The following RNPEP variants were observed in gnomAD, a reference collection of about 807,000 sequenced individuals.
RNPEP encodes aminopeptidase B.
Under a neutral mutation model 70.1 loss-of-function variants are expected in RNPEP, and 57 were observed. The ratio of observed to expected loss-of-function variants is 0.81; its 90% CI spans 0.66 to 1.01. The LOEUF is 1.01. RNPEP is among the 50% of genes least tolerant of loss of function. The probability of loss-of-function intolerance (pLI) is 0.00; values close to 1 mark genes in which losing one functional copy is unlikely to be tolerated. For missense variants in RNPEP, 787 were observed against 852.4 expected, an observed-to-expected ratio of 0.92 and a Z score of 0.96; for synonymous variants, 335 against 357.4, an observed-to-expected ratio of 0.94 and a Z score of 0.71.
chr1:202,001,737 C>T lies in RNPEP; in HGVS notation c.1396C>T (p.Leu466Phe), dbSNP rs781511423. The change falls in exon 8 of 11, where the codon CTT (leucine) becomes TTT (phenylalanine). Residue 466 changes from leucine to phenylalanine, a missense_variant. Transcript: ENST00000295640. The stretch of plus-strand genomic sequence containing the variant: ...CTTCTACTTGGAATATTTCCCTGAG[C>T]TTAAGAAAAAGAGAGTGGATATCAT... ...LDFYLEYFPE[L>F]KKKRVDIIPG... The T allele has an allele frequency of 1.3e-5, 21 of 1,610,570 alleles. No homozygotes were observed. The East Asian group carries it at 4.2e-4, about 32-fold the overall frequency.
intron 6 of RNPEP, among the ~76,000 whole-genome samples, chr1:202,000,551 C>T (rs1301783997): frequency 1.3e-5 from 2 of 152,064 alleles, no homozygotes; most frequent in Non-Finnish European, 2.9e-5. Context: ...TCCTTGATGC[C>T]GTTAAGTTTG....
chr1:201,989,285 A>G (rs1459521996), intron 2 of RNPEP, 98 bp from the exon 3 acceptor site: 33 of 1,419,616 alleles, frequency 2.3e-5, no homozygotes, highest in Non-Finnish European at 3.1e-5. Context: ...ACTCCAGGCC[A>G]TTATCATCAC....
intron 8 of RNPEP, among the ~76,000 whole-genome samples, chr1:202,002,603 C>T (rs538358211): frequency 1.3e-5 from 2 of 152,210 alleles, no homozygotes; most frequent in Non-Finnish European, 2.9e-5. Context: ...TGATGAAGTC[C>T]GCGTCCTCTG....
At chr1:202,000,098 G>A in intron 6 of RNPEP, 83 bp downstream of exon 6, 1 of 979,750 alleles carries the variant, frequency 1.0e-6, no homozygotes, top group Non-Finnish European at 1.6e-6. Context: ...ATGTTGATCA[G>A]TGCACGCTTA....
At chr1:201,984,856 T>TTTTTTTG (rs1683080641) in intron 1 of RNPEP, among the ~76,000 whole-genome samples, 1 of 92,688 alleles carries the variant, frequency 1.1e-5, no homozygotes, top group Non-Finnish European at 2.4e-5. Context: ...TTTTTTTTTT[T>TTTTTTTG]TGAGAAGGGA....
chr1:202,003,160 T>C lies in RNPEP; in HGVS notation c.1427-77T>C, dbSNP rs1181769196. 7 of 984,180 alleles carry C rather than the reference T, an allele frequency of 7.1e-6. No homozygotes were observed. The African/African-American group carries it at 9.8e-5, about 14-fold the overall frequency. The allele number at this position is 984,180 out of a possible 1,614,324, so 61.0% of individuals were successfully genotyped here. On this transcript the variant is annotated intron_variant, in intron 8 of 10. Coordinates refer to ENST00000295640, the MANE Select transcript of RNPEP (RefSeq NM_020216.4). ...GGATGGAGAGAGGAGAAACTTGAGG[T>C]CTCTGGGAGTTGCTTAAACCAGTTG...
At chr1:201,996,020 G>A (rs115106533) in intron 3 of RNPEP, 127 bp from the exon 4 acceptor site, 23 of 687,348 alleles carry the variant, frequency 3.3e-5, no homozygotes, top group Non-Finnish European at 4.3e-5. Context: ...CTTGCACTCC[G>A]TCACTGTGGC....
intron 1 of RNPEP, among the ~76,000 whole-genome samples, chr1:201,987,625 A>G (rs1278061477): frequency 1.3e-5 from 2 of 151,292 alleles, no homozygotes; most frequent in East Asian, 2.0e-4. Flanking sequence ...TTTAGTAGCA[A>G]CAGGGTTTTA....
chr1:201,984,761 G>A (rs964438691), intron 1 of RNPEP, among the ~76,000 whole-genome samples: 1 of 150,656 alleles, frequency 6.6e-6, no homozygotes, highest in African/African-American at 2.4e-5. Flanking sequence ...GGTTAATATG[G>A]TGCGTGGTAC....
intron 5 of RNPEP, among the ~76,000 whole-genome samples, chr1:201,998,660 A>C (rs1337495395): frequency 6.6e-6 from 1 of 152,226 alleles, no homozygotes; most frequent in Non-Finnish European, 1.5e-5. Context: ...CCTGTTTGTG[A>C]ATATCTTAAT....
intron 8 of RNPEP, among the ~76,000 whole-genome samples, chr1:202,002,373 GC>G (rs1683861187): frequency 6.6e-6 from 1 of 152,140 alleles, no homozygotes; most frequent in Non-Finnish European, 1.5e-5. Flanking sequence ...TGTTGGTCAG[GC>G]TGGTCTCGAA....
chr1:201,995,508 C>A (rs776518908), intron 3 of RNPEP, among the ~76,000 whole-genome samples: 112 of 55,598 alleles, frequency 2.0e-3, no homozygotes, highest in Non-Finnish European at 4.7e-3. Flanking sequence ...CATAGCGAAA[C>A]CCTACCTCTA....
In RNPEP at chr1:202,001,366, C is replaced by T; in HGVS notation, c.1205-10C>T. ...AAAGCTCAAATCTTGTCTGCTTTCT[C>T]CTCTGCCAGGCGTTGACCCGGACGA... On this transcript the variant is annotated splice_polypyrimidine_tract_variant and intron_variant, in intron 6 of 10. Coordinates refer to ENST00000295640, the MANE Select transcript of RNPEP (RefSeq NM_020216.4). 6.3e-7 allele frequency: 1 copy of T among 1,599,228 alleles called. No homozygotes were observed. Among genetic ancestry groups the T allele is most frequent in the Admixed American group, 1.7e-5 (1 of 59,918 alleles).
In RNPEP at chr1:201,989,514, G is replaced by T; in HGVS notation, c.720G>T (p.Ser240=). Residue 240 remains serine, a synonymous_variant, in exon 3 of 11, where the codon TCG becomes TCT. Transcript: ENST00000295640. Reference sequence around the variant, plus strand: ...CTTTGGCCATCGGAGATCTGGTTTCGGCTGAAGTTGGACCCAGGTAGGAGA... The same window carrying T: ...CTTTGGCCATCGGAGATCTGGTTTCTGCTGAAGTTGGACCCAGGTAGGAGA... ...LIALAIGDLV[S]AEVGPRSRVW... 6.2e-7 allele frequency: 1 copy of T among 1,614,052 alleles called. No homozygotes were observed. Among genetic ancestry groups the T allele is most frequent in the Non-Finnish European group, 8.5e-7 (1 of 1,179,996 alleles).
Position 201,982,711 on chromosome 1 carries a change from G to GCCGC in RNPEP, c.46_49dup (p.Leu17ProfsTer20). 1 of 1,399,704 alleles carries GCCGC rather than the reference G, an allele frequency of 7.1e-7. No individual in the cohort carries two copies. Among genetic ancestry groups the GCCGC allele is most frequent in the Non-Finnish European group, 9.3e-7 (1 of 1,070,776 alleles). The allele number at this position is 1,399,704 out of a possible 1,614,324, so 86.7% of individuals were successfully genotyped here. ...CCCCCGGCAGCGGCGCGGCCCGGCG[G>GCCGC]CCGCTGCACTCCGCGCAGGCTGTGG... is the stretch of plus-strand genomic sequence containing the variant. On this transcript the variant is annotated frameshift_variant, in exon 1 of 11. Transcript: ENST00000295640. LOFTEE classifies it high-confidence loss of function.
In RNPEP at chr1:201,989,443, A is replaced by G; in HGVS notation, c.649A>G (p.Lys217Glu). The change falls in exon 3 of 11, where the codon AAG becomes GAG. Residue 217 changes from lysine (K) to glutamate (E), a missense_variant. Coordinates refer to ENST00000295640, the MANE Select transcript of RNPEP (RefSeq NM_020216.4). ...CACCTGGGAGAAGAGAGGTCCAAAT[A>G]AGTTCTTCTTCCAGATGTGTCAGCC... ...ASTWEKRGPN[K>E]FFFQMCQPIP... 6.2e-7 allele frequency: 1 copy of G among 1,614,170 alleles called. No homozygotes were observed. The highest frequency in any genetic ancestry group is 8.5e-7 in the Non-Finnish European group (1 of 1,180,022).
chr1:201,991,093 A>T (rs772565890), intron 3 of RNPEP, among the ~76,000 whole-genome samples: 1 of 152,090 alleles, frequency 6.6e-6, no homozygotes, highest in African/African-American at 2.4e-5. Context: ...CCTGGGTCAC[A>T]TCGTAGGGTC....
chr1:202,003,263 AC>A lies in RNPEP; in HGVS notation c.1458del (p.Gly487AlafsTer16). ...TTTTGAGTTTGATCGATGGCTGAAT[AC>A]CCCCGGCTGGCCCCCGTACCTCCCT... ...PGFEFDRWLN[T>X]PGWPPYLPDL... is the part of the protein sequence containing the mutation. On this transcript the variant is annotated frameshift_variant, in exon 9 of 11. Transcript: ENST00000295640. LOFTEE classifies it high-confidence loss of function. 1 of 1,612,242 alleles carries A rather than the reference AC, an allele frequency of 6.2e-7. No homozygotes were observed. Among genetic ancestry groups the A allele is most frequent in the Non-Finnish European group, 8.5e-7 (1 of 1,179,190 alleles).
At chr1:201,987,854 T>C (rs1445364568) in intron 1 of RNPEP, among the ~76,000 whole-genome samples, 1 of 151,690 alleles carries the variant, frequency 6.6e-6, no homozygotes, top group Non-Finnish European at 1.5e-5. Context: ...AGAAAACACA[T>C]ATTAGGCCAG....
Sources: gnomAD v4.1 joint callset for allele counts (sites outside exome capture counted in the v4.1 genomes callset) on GRCh38, gnomAD v4.1.1 for gene constraint, MANE v1.5 for transcripts, NCBI Gene and HGNC (gene_info 2026-07-23, HGNC 2026-07-21) for gene names.